LPCAT1: variants seen among roughly 807,000 people sequenced by gnomAD.
The protein encoded by LPCAT1 is lysophosphatidylcholine acyltransferase 1.
LPCAT1 carries 23 observed loss-of-function variants against 60.9 expected under a neutral mutation model. The ratio of observed to expected loss-of-function variants is 0.38; its 90% CI spans 0.27 to 0.53. The LOEUF is 0.53. Ranked by LOEUF, LPCAT1 falls within the 20% of genes least tolerant of loss-of-function variation. LPCAT1 has a pLI of 0.82. For missense variants in LPCAT1, 622 were observed against 723.6 expected (o/e 0.86, Z 1.61); for synonymous variants, 340 against 301.1 (o/e 1.13, Z -1.34).
rs372723440 is a variant in LPCAT1 at position 1,495,038 on chromosome 5, T to C, written c.279-124A>G. The C allele has an allele frequency of 3.0e-5, 25 of 831,976 alleles. No individual in the cohort carries two copies. The highest frequency in any genetic ancestry group is 2.6e-4 in the African/African-American group (15 of 58,412). The allele number at this position is 831,976 out of a possible 1,614,324, so 51.5% of individuals were successfully genotyped here. ...AGTCCAGGCCACGGGCTTCCTGTGGTCGCCGCCGCTGGGACATCTGCTTGA... is the reference window on the plus strand; with the variant it reads ...AGTCCAGGCCACGGGCTTCCTGTGGCCGCCGCCGCTGGGACATCTGCTTGA... On this transcript the variant is annotated intron_variant, in intron 2 of 13. Coordinates refer to ENST00000283415, the MANE Select transcript of LPCAT1 (RefSeq NM_024830.5). The surrounding 1 kb of genome is among the most constrained non-coding windows in gnomAD (Gnocchi z 4.7).
chr5:1,466,706 C>A, intron 13 of LPCAT1, 43 bp downstream of exon 13: 2 of 1,585,556 alleles, frequency 1.3e-6, no homozygotes. Flanking sequence ...TGTCCAGCCC[C>A]CGCCCAAGGG....
chr5:1,474,708 G>C (rs372713675), intron 9 of LPCAT1, 23 bp from the exon 10 acceptor site: 8 of 1,605,816 alleles, frequency 5.0e-6, no homozygotes, highest in Non-Finnish European at 6.8e-6. Context: ...CAGCACCCCC[G>C]TCAGCCCAGC....
chr5:1,465,692 A>G (rs897380075), intron 13 of LPCAT1, among the ~76,000 whole-genome samples: 3 of 152,056 alleles, frequency 2.0e-5, no homozygotes, highest in Non-Finnish European at 4.4e-5. Context: ...AAGCATGCAC[A>G]TGCACGCACA....
At chr5:1,469,167 G>T (rs1477780237) in intron 12 of LPCAT1, among the ~76,000 whole-genome samples, 1 of 152,204 alleles carries the variant, frequency 6.6e-6, no homozygotes, top group Non-Finnish European at 1.5e-5. Flanking sequence ...CCTGTGAGAA[G>T]TGATCACCCA....
Position 1,466,794 on chromosome 5 carries a change from G to C in LPCAT1, c.1375C>G (p.Leu459Val). Residue 459 changes from leucine (L) to valine (V), a missense_variant, in exon 13 of 14, where the codon CTA becomes GTA. By Grantham distance (32) the Leu-to-Val change is conservative (BLOSUM62 1). Around this residue, in one of 3 missense-constraint regions of LPCAT1, gnomAD observed 288 missense variants for 283.6 expected, o/e 1.02. Coordinates refer to ENST00000283415, the MANE Select transcript of LPCAT1 (RefSeq NM_024830.5). ...LGVAELTVTD[L>V]FRAIDQEEKG... ...TCCTCTTGGTCAATGGCTCGGAATA[G>C]GTCGGTCACGGTGAGCTCTGCCACC... 6.2e-7 allele frequency: 1 copy of C among 1,613,150 alleles called. No homozygotes were observed. The highest frequency in any genetic ancestry group is 1.7e-5 in the Admixed American group (1 of 59,940).
rs1393821034 is a variant in LPCAT1, at chr5:1,483,651, T to C, written c.668-165A>G. On this transcript the variant is annotated intron_variant, in intron 5 of 13. Coordinates refer to ENST00000283415, the MANE Select transcript of LPCAT1 (RefSeq NM_024830.5). The surrounding 1 kb of genome is among the most constrained non-coding windows in gnomAD (Gnocchi z 9.2). The stretch of plus-strand genomic sequence containing the variant: ...ACTATCTCAACATCTGTCCTGACCG[T>C]AAACACCCAGCGCCACAGCACGGAT... 2.0e-5 allele frequency among the ~76,000 whole-genome samples: 3 copies of C among 152,182 alleles called. No individual in the cohort carries two copies. Among genetic ancestry groups the C allele is most frequent in the African/African-American group, 7.2e-5 (3 of 41,448 alleles).
intron 1 of LPCAT1, among the ~76,000 whole-genome samples, chr5:1,515,069 C>T (rs1736464795): frequency 6.6e-6 from 1 of 152,178 alleles, no homozygotes; most frequent in Non-Finnish European, 1.5e-5. Context: ...GAGCCCCACC[C>T]CCAGCACATC....
Position 1,502,575 on chromosome 5 carries a change from G to A in LPCAT1, c.136-972C>T, listed in dbSNP as rs569352931. ...CCACGCCAGGGAAGGCCGAGGCTGC[G>A]GGATCCCAGGCAGCCCAGGGTCTGA... On this transcript the variant is annotated intron_variant, in intron 1 of 13. Coordinates refer to ENST00000283415, the MANE Select transcript of LPCAT1 (RefSeq NM_024830.5). The surrounding 1 kb of genome is among the most constrained non-coding windows in gnomAD (Gnocchi z 5.5). 2.6e-5 allele frequency among the ~76,000 whole-genome samples: 4 copies of A among 152,300 alleles called. No homozygotes were observed. The highest frequency in any genetic ancestry group is 2.1e-4 in the South Asian group (1 of 4,820).
At position 1,461,642 on chromosome 5, in the gene LPCAT1, C is replaced by T. The variant is rs557243126; in HGVS notation, c.*2009G>A. 1.6e-4 allele frequency: 25 copies of T among 152,908 alleles called. No individual in the cohort carries two copies. The East Asian group carries it at 4.4e-3, about 27-fold the overall frequency. The allele number at this position is 152,908 out of a possible 1,614,324, so 9.5% of individuals were successfully genotyped here. On this transcript the variant is annotated 3_prime_UTR_variant, in exon 14 of 14. Transcript: ENST00000283415. The stretch of plus-strand genomic sequence containing the variant: ...TCAACGCTATGTACATTCACAGTTC[C>T]GAATATCCGCCAACTCTAAGTCGCC...
At chr5:1,484,646 C>T (rs1265817834) in intron 5 of LPCAT1, among the ~76,000 whole-genome samples, 5 of 152,194 alleles carry the variant, frequency 3.3e-5, no homozygotes, top group Non-Finnish European at 7.4e-5. Context: ...GAGCATCTGT[C>T]CCTAGGGCCA....
intron 11 of LPCAT1, among the ~76,000 whole-genome samples, chr5:1,471,275 T>C (rs955069359): frequency 1.3e-5 from 2 of 152,156 alleles, no homozygotes; most frequent in African/African-American, 4.8e-5. Flanking sequence ...AGGAATTTGG[T>C]CTGTTTATGG....
Position 1,489,774 on chromosome 5 carries a change from C to G in LPCAT1, c.578G>C (p.Arg193Pro), listed in dbSNP as rs780038428. ...RRKTVEEIKR[R>P]AQSNGKWPQI... ...TGGCCACTTTCCGTTGGACTGCGCC[C>G]GTCTCTTGATTTCTTCTACTGTTTT... The change falls in exon 4 of 14, where the codon CGG (arginine) becomes CCG (proline). Residue 193 changes from arginine (R) to proline (P), a missense_variant. Transcript: ENST00000283415. The G allele has an allele frequency of 6.2e-7, 1 of 1,613,842 alleles. No individual in the cohort carries two copies. The highest frequency in any genetic ancestry group is 1.3e-5 in the African/African-American group (1 of 74,934).
At position 1,523,917 on chromosome 5, in the gene LPCAT1, G is replaced by C. The variant is rs925338368; in HGVS notation, c.-73C>G. The C allele has an allele frequency of 1.0e-6, 1 of 970,200 alleles. No homozygotes were observed. Among genetic ancestry groups the C allele is most frequent in the Non-Finnish European group, 1.2e-6 (1 of 813,368 alleles). The allele number at this position is 970,200 out of a possible 1,614,324, so 60.1% of individuals were successfully genotyped here. A position where few individuals can be genotyped will look rare whatever the true frequency, so the allele number is the denominator to read the frequency against. ...AGCGGGGCCGGGGCTAGCTGGGCGCGGGTCTCGGGGCGCGGGCCGAGGATG... is the reference window on the plus strand; with the variant it reads ...AGCGGGGCCGGGGCTAGCTGGGCGCCGGTCTCGGGGCGCGGGCCGAGGATG... On this transcript the variant is annotated 5_prime_UTR_variant, in exon 1 of 14. Transcript: ENST00000283415. This position sits in a 1 kb window ranked among gnomAD's most constrained non-coding sequence, Gnocchi z 7.1.
At chr5:1,484,420 T>A (rs1419887215) in intron 5 of LPCAT1, among the ~76,000 whole-genome samples, 1 of 152,220 alleles carries the variant, frequency 6.6e-6, no homozygotes, top group African/African-American at 2.4e-5. Flanking sequence ...AACTCAGGCA[T>A]CAGAAGTACT....
Position 1,463,452 on chromosome 5 carries a change from C to A in LPCAT1, c.*199G>T, listed in dbSNP as rs1024477434. Reference sequence around the variant, plus strand: ...GGATCCGCGTGCGCGCCCTCCGATTCTCGCACAGTAAGCGTCGGTTCTGCA... The same window carrying A: ...GGATCCGCGTGCGCGCCCTCCGATTATCGCACAGTAAGCGTCGGTTCTGCA... On this transcript the variant is annotated 3_prime_UTR_variant, in exon 14 of 14. Coordinates refer to ENST00000283415, the MANE Select transcript of LPCAT1 (RefSeq NM_024830.5). 2.7e-5 allele frequency: 17 copies of A among 633,504 alleles called. No individual in the cohort carries two copies. The African/African-American group carries it at 3.1e-4, about 12-fold the overall frequency. The allele number at this position is 633,504 out of a possible 1,614,324, so 39.2% of individuals were successfully genotyped here. A position where few individuals can be genotyped will look rare whatever the true frequency, so the allele number is the denominator to read the frequency against.
At chr5:1,497,527 G>A (rs1363109073) in intron 2 of LPCAT1, among the ~76,000 whole-genome samples, 20 of 152,256 alleles carry the variant, frequency 1.3e-4, no homozygotes, top group Admixed American at 1.2e-3. Context: ...AAAGGAAGGG[G>A]CCCTGGGGCC....
rs1021615720 is a variant in LPCAT1, at chr5:1,495,952, T to C, written c.279-1038A>G. Among the ~76,000 whole-genome samples, 2 of 152,204 alleles carry C rather than the reference T, an allele frequency of 1.3e-5. No individual in the cohort carries two copies. Among genetic ancestry groups the C allele is most frequent in the African/African-American group, 2.4e-5 (1 of 41,462 alleles). ...CCTTTGTGTATGCGATGATAAACAA[T>C]GGTGTAGTTACACATGGAGATGCTG... On this transcript the variant is annotated intron_variant, in intron 2 of 13. Transcript: ENST00000283415. The surrounding 1 kb of genome is among the most constrained non-coding windows in gnomAD (Gnocchi z 4.7).
intron 9 of LPCAT1, 75 bp from the exon 10 acceptor site, chr5:1,474,760 C>G: frequency 6.5e-7 from 1 of 1,541,126 alleles, no homozygotes; most frequent in Non-Finnish European, 8.8e-7. Flanking sequence ...GAATAACCGC[C>G]GATGGCTCAG....
intron 12 of LPCAT1, among the ~76,000 whole-genome samples, chr5:1,470,467 T>G (rs953142707): frequency 5.3e-5 from 8 of 152,178 alleles, no homozygotes; most frequent in African/African-American, 1.9e-4. Context: ...TAAGCCGTGC[T>G]TTCTTCACCA....
Sources: gnomAD v4.1 joint callset for allele counts (sites outside exome capture counted in the v4.1 genomes callset) on GRCh38, gnomAD v4.1.1 for gene constraint, gnomAD v4.1.1 regional missense constraint, Gnocchi (gnomAD v3.1) non-coding constraint, MANE v1.5 for transcripts, NCBI Gene and HGNC (gene_info 2026-07-23, HGNC 2026-07-21) for gene names.